Variants in DCLK2 observed in about 807,000 individuals in gnomAD.
The protein encoded by DCLK2 is doublecortin like kinase 2, also known as serine/threonine-protein kinase DCLK2.
A neutral mutation model predicts 78.4 loss-of-function variants in DCLK2; 31 were observed. The observed-to-expected ratio is 0.40, with a 90% CI of 0.30 to 0.53. The LOEUF (loss-of-function observed/expected upper bound fraction) is 0.53. Ranked by LOEUF, DCLK2 falls within the 20% of genes least tolerant of loss-of-function variation. DCLK2 has a pLI of 0.61. For synonymous variants in DCLK2, 407 were observed against 374.9 expected (o/e 1.09, Z -0.99); for missense variants, 872 against 973.7 (o/e 0.90, Z 1.39).
At chr4:150,216,647 A>C (rs1740741461) in intron 5 of DCLK2, among the ~76,000 whole-genome samples, 1 of 152,164 alleles carries the variant, frequency 6.6e-6, no homozygotes, top group Non-Finnish European at 1.5e-5. Flanking sequence ...TCAAAAAAAA[A>C]AGTTATTAGC....
intron 5 of DCLK2, 41 bp from the exon 6 acceptor site, chr4:150,220,662 G>T: frequency 6.5e-7 from 1 of 1,541,590 alleles, no homozygotes; most frequent in Non-Finnish European, 8.9e-7. Context: ...CTAGGGATTT[G>T]TAAATTATCC....
intron 2 of DCLK2, among the ~76,000 whole-genome samples, chr4:150,164,938 T>G (rs1580629129): frequency 6.6e-6 from 1 of 152,366 alleles, no homozygotes; most frequent in Non-Finnish European, 1.5e-5. Context: ...TGTCACACTG[T>G]AAGACCCTTA....
intron 2 of DCLK2, among the ~76,000 whole-genome samples, chr4:150,177,153 T>G (rs1014693131): frequency 6.6e-6 from 1 of 152,202 alleles, no homozygotes; most frequent in Admixed American, 6.5e-5. Context: ...TATGATTTTG[T>G]TTTTCCTTCC....
intron 2 of DCLK2, among the ~76,000 whole-genome samples, chr4:150,110,202 CTCT>C (rs1731568913): frequency 6.6e-6 from 1 of 152,204 alleles, no homozygotes; most frequent in African/African-American, 2.4e-5. Flanking sequence ...ACTGCAAACT[CTCT>C]TGTTTCCTCA....
chr4:150,123,877 CA>C (rs1223954752), intron 2 of DCLK2, among the ~76,000 whole-genome samples: 1 of 151,912 alleles, frequency 6.6e-6, no homozygotes, highest in Non-Finnish European at 1.5e-5. Flanking sequence ...CTCATCTCTA[CA>C]AAAAATTAAA....
intron 1 of DCLK2, among the ~76,000 whole-genome samples, chr4:150,091,769 A>ATGTGTG (rs57146406): frequency 0.022 from 2,542 of 117,042 alleles, 28 homozygotes; most frequent in Middle Eastern, 0.044. Context: ...AGGAACATTT[A>ATGTGTG]TGTGTGTGTG....
intron 2 of DCLK2, among the ~76,000 whole-genome samples, chr4:150,131,162 A>G (rs929837261): frequency 2.0e-5 from 3 of 152,108 alleles, no homozygotes; most frequent in African/African-American, 7.3e-5. Context: ...AGCTCGGATT[A>G]CAGGCATGCA....
chr4:150,237,107 CT>C (rs11309024), intron 10 of DCLK2, among the ~76,000 whole-genome samples: 133,296 of 151,802 alleles, frequency 0.88, 58,909 homozygotes, highest in Middle Eastern at 0.96. Context: ...ATTAATAAAA[CT>C]TTTTTTTTTA....
At chr4:150,224,431 A>C (rs1446122859) in intron 7 of DCLK2, 70 bp from the exon 8 acceptor site, 1 of 1,448,980 alleles carries the variant, frequency 6.9e-7, no homozygotes, top group Non-Finnish European at 9.4e-7. Flanking sequence ...AAAGTATAAA[A>C]AAGAAAGAAA....
At chr4:150,244,682 C>T (rs965337535) in intron 12 of DCLK2, among the ~76,000 whole-genome samples, 1 of 152,222 alleles carries the variant, frequency 6.6e-6, no homozygotes, top group Non-Finnish European at 1.5e-5. Context: ...TGGATTTAAT[C>T]AGAACAGCTT....
At chr4:150,213,317 C>A (rs900142398) in intron 5 of DCLK2, among the ~76,000 whole-genome samples, 5 of 152,234 alleles carry the variant, frequency 3.3e-5, no homozygotes, top group Non-Finnish European at 7.3e-5. Flanking sequence ...TTAAGTGCCA[C>A]TGTTTTTGCC....
At chr4:150,188,975 T>G (rs1382662861) in intron 2 of DCLK2, among the ~76,000 whole-genome samples, 3 of 151,956 alleles carry the variant, frequency 2.0e-5, no homozygotes, top group Middle Eastern at 3.2e-3. Flanking sequence ...TACATTATGT[T>G]CCTGAGACTT....
At chr4:150,139,003 A>G (rs1733916621) in intron 2 of DCLK2, among the ~76,000 whole-genome samples, 1 of 152,074 alleles carries the variant, frequency 6.6e-6, no homozygotes, top group Admixed American at 6.6e-5. Flanking sequence ...TAAAAAAAAA[A>G]AAGGTTTTCC....
At chr4:150,233,613 G>A (rs1169928802) in intron 10 of DCLK2, among the ~76,000 whole-genome samples, 1 of 152,114 alleles carries the variant, frequency 6.6e-6, no homozygotes, top group African/African-American at 2.4e-5. Flanking sequence ...CTAAAGGCAT[G>A]GAAACAGAGA....
rs114033113 is a variant in DCLK2 at position 150,174,223 on chromosome 4, A to T, written c.757-18915A>T. On this transcript the variant is annotated intron_variant, in intron 2 of 15. Coordinates refer to ENST00000296550, the MANE Select transcript of DCLK2 (RefSeq NM_001040260.4). ...TTCTGCCCTCTTTGATGTACGTAGCACTTCCCCTACTGAGTAGCCATGCGG... is the reference window on the plus strand; with the variant it reads ...TTCTGCCCTCTTTGATGTACGTAGCTCTTCCCCTACTGAGTAGCCATGCGG... Among the ~76,000 whole-genome samples the T allele has an allele frequency of 7.8e-3, 1,183 of 152,230 alleles. 17 individuals are homozygous for T. Among genetic ancestry groups the T allele is most frequent in the African/African-American group, 0.026 (1,100 of 41,524 alleles).
chr4:150,220,807 T>C, intron 6 of DCLK2, 29 bp downstream of exon 6: 1 of 1,579,236 alleles, frequency 6.3e-7, no homozygotes. Context: ...ATTACTTTGA[T>C]AAAGGAAATC....
chr4:150,147,377 C>T (rs1438965836), intron 2 of DCLK2, among the ~76,000 whole-genome samples: 1 of 152,132 alleles, frequency 6.6e-6, no homozygotes, highest in Non-Finnish European at 1.5e-5. Flanking sequence ...TATTTTCAGA[C>T]CCCTTTTGTA....
At chr4:150,108,386 C>CA (rs1376051464) in intron 2 of DCLK2, among the ~76,000 whole-genome samples, 4 of 149,618 alleles carry the variant, frequency 2.7e-5, no homozygotes, top group East Asian at 2.0e-4. Context: ...ACTAAAAATA[C>CA]AAAAAAAATT....
rs559696743 is a variant in DCLK2 at position 150,193,130 on chromosome 4, G to C, written c.757-8G>C. On this transcript the variant is annotated splice_region_variant and splice_polypyrimidine_tract_variant and intron_variant, in intron 2 of 15. Coordinates refer to ENST00000296550, the MANE Select transcript of DCLK2 (RefSeq NM_001040260.4). ...AATTTATTTCTTGGACATGATTTTT[G>C]TTCTCAGGTTACTTGTCTGCAAGAC... The C allele has an allele frequency of 1.9e-6, 3 of 1,559,714 alleles. No individual in the cohort carries two copies. The South Asian group carries it at 3.4e-5, about 18-fold the overall frequency.
Sources: gnomAD v4.1 joint callset for allele counts (sites outside exome capture counted in the v4.1 genomes callset) on GRCh38, gnomAD v4.1.1 for gene constraint, MANE v1.5 for transcripts, NCBI Gene and HGNC (gene_info 2026-07-23, HGNC 2026-07-21) for gene names.